The following ZNF100 variants were observed in gnomAD, a reference collection of about 807,000 sequenced individuals.
ZNF100 encodes zinc finger protein 100 (Y1).
In ZNF100, 12 loss-of-function variants were observed where a neutral mutation model predicts 15.8. The ratio of observed to expected loss-of-function variants is 0.76; its 90% CI spans 0.49 to 1.23. ZNF100 has a LOEUF of 1.23. Ranked by LOEUF, ZNF100 falls within the 50% of genes most tolerant of loss-of-function variation. The pLI, the probability that ZNF100 is intolerant of heterozygous loss-of-function variation, is 0.00. For missense variants in ZNF100, 670 were observed against 635.6 expected (o/e 1.05, Z -0.58); for synonymous variants, 226 against 214.8 (o/e 1.05, Z -0.45).
rs1440983516 is a variant in ZNF100 at position 21,724,522 on chromosome 19, T to C, written c.*2161A>G. ...TTATACTTCTACATAACTTTTATTATGACCATAAAAATAACACTGTAATCA... is the reference window on the plus strand; with the variant it reads ...TTATACTTCTACATAACTTTTATTACGACCATAAAAATAACACTGTAATCA... On this transcript the variant is annotated 3_prime_UTR_variant, in exon 5 of 5. Coordinates refer to ENST00000358296, the MANE Select transcript of ZNF100 (RefSeq NM_173531.4). The C allele has an allele frequency of 6.6e-6, 1 of 152,166 alleles. No homozygotes were observed. Among genetic ancestry groups the C allele is most frequent in the East Asian group, 1.9e-4 (1 of 5,196 alleles). The allele number at this position is 152,166 out of a possible 1,614,324, so 9.4% of individuals were successfully genotyped here. A position where few individuals can be genotyped will look rare whatever the true frequency, so the allele number is the denominator to read the frequency against.
At chr19:21,744,608 G>A (rs2036178307) in intron 3 of ZNF100, among the ~76,000 whole-genome samples, 2 of 151,872 alleles carry the variant, frequency 1.3e-5, no homozygotes, top group Non-Finnish European at 1.5e-5. Context: ...CTGACCTCGT[G>A]ACCCGCCTGC....
chr19:21,742,113 T>C (rs1393173353), intron 4 of ZNF100, among the ~76,000 whole-genome samples: 1 of 152,024 alleles, frequency 6.6e-6, no homozygotes, highest in African/African-American at 2.4e-5. Flanking sequence ...CTGGAGAACA[T>C]GGTGAAACTC....
intron 2 of ZNF100, among the ~76,000 whole-genome samples, chr19:21,749,053 C>T (rs2036258851): frequency 6.6e-6 from 1 of 152,176 alleles, no homozygotes; most frequent in South Asian, 2.1e-4. Flanking sequence ...ATTCACCGTA[C>T]CAACCATATG....
intron 2 of ZNF100, among the ~76,000 whole-genome samples, chr19:21,763,299 G>GAA (rs71178765): frequency 4.6e-5 from 7 of 151,618 alleles, no homozygotes; most frequent in Non-Finnish European, 8.8e-5. Context: ...TTTTTCTCAT[G>GAA]AAAAAAAATT....
chr19:21,727,398 G>C lies in ZNF100; in HGVS notation c.914C>G (p.Thr305Ser). Residue 305 changes from threonine (T) to serine (S), a missense_variant, in exon 5 of 5, where the codon ACT becomes AGT. Thr to Ser is a moderately conservative substitution (Grantham distance 58). Transcript: ENST00000358296. Reference protein sequence around the residue: ...GKAFNRSSHLTTHKRIHTGVK... With the variant: ...GKAFNRSSHLSTHKRIHTGVK... ...TCCAGTATGAATTCTTTTATGTGTA[G>C]TAAGGTGTGAAGACCGGTTAAAAGC... 1.9e-6 allele frequency: 3 copies of C among 1,612,906 alleles called. No homozygotes were observed. The highest frequency in any genetic ancestry group is 2.5e-6 in the Non-Finnish European group (3 of 1,179,706).
At chr19:21,743,078 A>C (rs1743979228) in intron 4 of ZNF100, 1 of 152,170 alleles carries the variant, frequency 6.6e-6, no homozygotes, top group South Asian at 2.1e-4. Context: ...AATTAAAAAA[A>C]TTAGCTTGGC....
intron 1 of ZNF100, 93 bp from the exon 2 acceptor site, chr19:21,765,879 T>G: frequency 7.8e-7 from 1 of 1,288,728 alleles, no homozygotes; most frequent in Non-Finnish European, 1.1e-6. Context: ...CAGATAGTAC[T>G]GAAACCCAGG....
At chr19:21,758,846 TAGA>T (rs1049873858) in intron 2 of ZNF100, among the ~76,000 whole-genome samples, 2 of 152,132 alleles carry the variant, frequency 1.3e-5, no homozygotes, top group East Asian at 3.9e-4. Flanking sequence ...TCTCTTACCC[TAGA>T]AGATCTGGAA....
intron 2 of ZNF100, 145 bp from the exon 3 acceptor site, chr19:21,745,212 CAG>C (rs2036190914): frequency 2.3e-6 from 3 of 1,299,614 alleles, no homozygotes; most frequent in Non-Finnish European, 3.1e-6. Context: ...ATTTTTAACA[CAG>C]AAATATTCTC....
intron 4 of ZNF100, among the ~76,000 whole-genome samples, chr19:21,729,410 T>C (rs370831844): frequency 5.9e-5 from 8 of 136,450 alleles, no homozygotes; most frequent in African/African-American, 2.2e-4. Flanking sequence ...CACAGTCAAA[T>C]AAAAATACAT....
At chr19:21,744,362 T>G (rs573860636) in intron 3 of ZNF100, among the ~76,000 whole-genome samples, 1 of 152,198 alleles carries the variant, frequency 6.6e-6, no homozygotes, top group African/African-American at 2.4e-5. Flanking sequence ...CAAATATATA[T>G]GTACATATAT....
chr19:21,725,665 C>T lies in ZNF100; in HGVS notation c.*1018G>A, dbSNP rs1350569725. The T allele has an allele frequency of 6.6e-6, 1 of 152,124 alleles. No individual in the cohort carries two copies. 9.4% of individuals were successfully genotyped at this position (152,124 alleles called of 1,614,324 possible). A position where few individuals can be genotyped will look rare whatever the true frequency, so the allele number is the denominator to read the frequency against. ...TTAAGAGTTGAATTACATTATTACTCACTTTTCAAAAAATCTAATTTTTTC... is the reference window on the plus strand; with the variant it reads ...TTAAGAGTTGAATTACATTATTACTTACTTTTCAAAAAATCTAATTTTTTC... On this transcript the variant is annotated 3_prime_UTR_variant, in exon 5 of 5. Coordinates refer to ENST00000358296, the MANE Select transcript of ZNF100 (RefSeq NM_173531.4).
chr19:21,748,032 G>A (rs1291179830), intron 2 of ZNF100, among the ~76,000 whole-genome samples: 2 of 152,100 alleles, frequency 1.3e-5, no homozygotes, highest in Non-Finnish European at 1.5e-5. Flanking sequence ...CATAGAAAGA[G>A]TTTAAGAAAT....
In ZNF100 at chr19:21,726,836, T is replaced by C. The variant is rs1200191690; in HGVS notation, c.1476A>G (p.Lys492=). Residue 492 remains lysine (K), a synonymous_variant, in exon 5 of 5, where the codon AAA becomes AAG. Coordinates refer to ENST00000358296, the MANE Select transcript of ZNF100 (RefSeq NM_173531.4). ...EKPYKCEECG[K]AFNRSSTLTK... ...TAAGGGTTGAGGATCGGTTAAAAGC[T>C]TTGCCACATTCCTCACATTTGTAGG... The C allele has an allele frequency of 6.2e-7, 1 of 1,613,510 alleles. No individual in the cohort carries two copies. Among genetic ancestry groups the C allele is most frequent in the Non-Finnish European group, 8.5e-7 (1 of 1,179,840 alleles).
At chr19:21,751,206 C>T in intron 2 of ZNF100, 1 of 1,303,028 alleles carries the variant, frequency 7.7e-7, no homozygotes. Flanking sequence ...AAAAGTATAG[C>T]TCATGCTCAA....
chr19:21,757,744 A>G (rs1243185781), intron 2 of ZNF100, among the ~76,000 whole-genome samples: 1 of 152,148 alleles, frequency 6.6e-6, no homozygotes, highest in Non-Finnish European at 1.5e-5. Flanking sequence ...GATTGAAAAA[A>G]ATATGGTATG....
chr19:21,747,684 T>C (rs763633705), intron 2 of ZNF100, among the ~76,000 whole-genome samples: 18 of 152,090 alleles, frequency 1.2e-4, no homozygotes, highest in Non-Finnish European at 2.2e-4. Flanking sequence ...CATCCTGAAG[T>C]TTTATATTAT....
At chr19:21,730,445 A>AGAGTGTGTGTGTGTGTGTGTGT (rs71178761) in intron 4 of ZNF100, among the ~76,000 whole-genome samples, 2 of 147,718 alleles carry the variant, frequency 1.4e-5, no homozygotes, top group South Asian at 4.4e-4. Context: ...TGATAACCTA[A>AGAGTGTGTGTGTGTGTGTGTGT]GTGTGTGTGT....
chr19:21,722,776 TTATTATA>T lies in ZNF100; in HGVS notation c.*3900_*3906del, dbSNP rs1332155871. The T allele has an allele frequency of 6.7e-6, 1 of 148,528 alleles. No individual in the cohort carries two copies. The highest frequency in any genetic ancestry group is 1.5e-5 in the Non-Finnish European group (1 of 67,070). 9.2% of individuals were successfully genotyped at this position (148,528 alleles called of 1,614,324 possible). The stretch of plus-strand genomic sequence containing the variant: ...GAAAAAAAAAAATTATGTTATACTT[TTATTATA>T]TAAGTATATATTTTAATAAAAGTAT... On this transcript the variant is annotated 3_prime_UTR_variant, in exon 5 of 5. Transcript: ENST00000358296.
Sources: gnomAD v4.1 joint callset for allele counts (sites outside exome capture counted in the v4.1 genomes callset) on GRCh38, gnomAD v4.1.1 for gene constraint, MANE v1.5 for transcripts, NCBI Gene and HGNC (gene_info 2026-07-23, HGNC 2026-07-21) for gene names.